DLGAP1: variants seen among roughly 807,000 people sequenced by gnomAD.
DLGAP1 encodes disks large-associated protein 1.
A neutral mutation model predicts 90.8 loss-of-function variants in DLGAP1; 11 were observed. The observed-to-expected ratio is 0.12, with a 90% CI of 0.08 to 0.20. The LOEUF is 0.20. DLGAP1 is among the 10% of genes least tolerant of loss of function. The probability of loss-of-function intolerance (pLI) is 1.00; values close to 1 mark genes in which losing one functional copy is unlikely to be tolerated. For synonymous variants in DLGAP1, 558 were observed against 540.7 expected (o/e 1.03, Z -0.44); for missense variants, 1,050 against 1,333.8 (o/e 0.79, Z 3.31).
In DLGAP1 at chr18:4,117,506, C is replaced by T. The variant is rs538941578; in HGVS notation, c.-159+33674G>A. ...CTATTTCCCACACAGTGTGCAGCCT[C>T]GTGTTTATATCTTTGAGCCTGGCTA... On this transcript the variant is annotated intron_variant, in intron 2 of 12. Coordinates refer to ENST00000315677, the MANE Select transcript of DLGAP1 (RefSeq NM_004746.4). 6.6e-5 allele frequency among the ~76,000 whole-genome samples: 10 copies of T among 152,146 alleles called. No homozygotes were observed. In the South Asian group the frequency reaches 2.1e-3, roughly 32 times the overall value.
At chr18:3,952,901 A>G (rs2073017103) in intron 3 of DLGAP1, among the ~76,000 whole-genome samples, 1 of 152,184 alleles carries the variant, frequency 6.6e-6, no homozygotes, top group Admixed American at 6.5e-5. Flanking sequence ...CACCTTCTTG[A>G]TGTCCAGGGC....
intron 7 of DLGAP1, among the ~76,000 whole-genome samples, chr18:3,694,196 G>A (rs1410320222): frequency 2.6e-5 from 4 of 152,104 alleles, no homozygotes; most frequent in African/African-American, 7.2e-5. Flanking sequence ...CTTCATCTGT[G>A]TCCCTGCAAA....
intron 7 of DLGAP1, among the ~76,000 whole-genome samples, chr18:3,658,100 C>A (rs977431288): frequency 1.6e-4 from 25 of 152,170 alleles, no homozygotes; most frequent in African/African-American, 5.5e-4. Context: ...TATGTCAGTA[C>A]CCATACCATG....
chr18:3,681,617 A>G (rs951754214), intron 7 of DLGAP1, among the ~76,000 whole-genome samples: 3 of 152,246 alleles, frequency 2.0e-5, no homozygotes, highest in Non-Finnish European at 4.4e-5. Flanking sequence ...TTCTTCCCCA[A>G]AAAGCCAGCT....
chr18:3,945,435 T>C (rs958449297), intron 3 of DLGAP1, among the ~76,000 whole-genome samples: 8 of 152,174 alleles, frequency 5.3e-5, no homozygotes, highest in Non-Finnish European at 1.0e-4. Context: ...ACTTATAAAA[T>C]GGTTACATTT....
At chr18:3,977,487 A>G (rs72866613) in intron 3 of DLGAP1, among the ~76,000 whole-genome samples, 1 of 133,102 alleles carries the variant, frequency 7.5e-6, no homozygotes, top group Non-Finnish European at 1.5e-5. Flanking sequence ...GATGTACACA[A>G]TGAGGTAGGG....
intron 10 of DLGAP1, among the ~76,000 whole-genome samples, chr18:3,519,752 C>G (rs1460497867): frequency 1.3e-5 from 2 of 152,148 alleles, no homozygotes; most frequent in African/African-American, 4.8e-5. Flanking sequence ...CAGGGTTTGT[C>G]CCCTCTGGAG....
intron 5 of DLGAP1, among the ~76,000 whole-genome samples, chr18:3,765,143 T>TTTTTTTTTTTTTTTC (rs1235629970): frequency 7.0e-6 from 1 of 143,196 alleles, no homozygotes; most frequent in Admixed American, 7.1e-5. Context: ...TTTTTTTTTT[T>TTTTTTTTTTTTTTTC]TTGAGACAGA....
At chr18:4,155,973 G>A (rs182381693) in intron 1 of DLGAP1, among the ~76,000 whole-genome samples, 2 of 152,310 alleles carry the variant, frequency 1.3e-5, no homozygotes, top group East Asian at 1.9e-4. Flanking sequence ...TGGGGCTGAG[G>A]AGCAGTCAGA....
At chr18:4,065,780 T>G (rs2075361636) in intron 2 of DLGAP1, among the ~76,000 whole-genome samples, 1 of 151,928 alleles carries the variant, frequency 6.6e-6, no homozygotes, top group South Asian at 2.1e-4. Flanking sequence ...CTATCCCCAT[T>G]AAACTACCAC....
At chr18:3,661,870 C>T (rs1276919323) in intron 7 of DLGAP1, among the ~76,000 whole-genome samples, 2 of 152,090 alleles carry the variant, frequency 1.3e-5, no homozygotes, top group South Asian at 2.1e-4. Context: ...GAGTTAGCCA[C>T]TGCTCCCGGC....
At chr18:4,174,526 G>A (rs2077074843) in intron 1 of DLGAP1, among the ~76,000 whole-genome samples, 1 of 151,806 alleles carries the variant, frequency 6.6e-6, no homozygotes, top group African/African-American at 2.4e-5. Flanking sequence ...GTAGAGTTGG[G>A]GTTTCACCAT....
intron 7 of DLGAP1, among the ~76,000 whole-genome samples, chr18:3,685,740 C>T (rs2146951893): frequency 6.6e-6 from 1 of 152,212 alleles, no homozygotes; most frequent in Non-Finnish European, 1.5e-5. Flanking sequence ...CCACTGTGCC[C>T]AGCCCAAGAT....
chr18:4,387,645 A>C (rs1341954610), intron 1 of DLGAP1, among the ~76,000 whole-genome samples: 1 of 152,204 alleles, frequency 6.6e-6, no homozygotes, highest in African/African-American at 2.4e-5. Flanking sequence ...GGAAGAATGA[A>C]GAAGAAATGC....
At chr18:3,552,284 T>C (rs1168031692) in intron 9 of DLGAP1, among the ~76,000 whole-genome samples, 1 of 152,224 alleles carries the variant, frequency 6.6e-6, no homozygotes, top group Admixed American at 6.5e-5. Flanking sequence ...TTTTTGTTTC[T>C]AGTTTTCTGG....
At chr18:3,972,827 C>T (rs571091488) in intron 3 of DLGAP1, among the ~76,000 whole-genome samples, 6 of 152,214 alleles carry the variant, frequency 3.9e-5, no homozygotes, top group East Asian at 1.9e-4. Flanking sequence ...GGCAGATGGG[C>T]GGGGAGGTGC....
chr18:3,513,944 A>G (rs1040219108), intron 10 of DLGAP1, among the ~76,000 whole-genome samples: 1 of 152,226 alleles, frequency 6.6e-6, no homozygotes, highest in Non-Finnish European at 1.5e-5. Context: ...CAGTGGGTCT[A>G]TGGCAAAGCT....
At chr18:4,299,631 GA>G (rs1188362227) in intron 1 of DLGAP1, among the ~76,000 whole-genome samples, 2 of 151,928 alleles carry the variant, frequency 1.3e-5, no homozygotes, top group Non-Finnish European at 1.5e-5. Context: ...AAAAGAGAGT[GA>G]AAAAATTAAA....
At chr18:3,612,038 C>T (rs1219006527) in intron 7 of DLGAP1, among the ~76,000 whole-genome samples, 2 of 152,354 alleles carry the variant, frequency 1.3e-5, no homozygotes, top group East Asian at 3.9e-4. Flanking sequence ...AAATAATTCC[C>T]TTTGCTTTTC....
Sources: allele counts gnomAD v4.1 joint callset (sites outside exome capture counted in the v4.1 genomes callset), GRCh38; gene constraint gnomAD v4.1.1; transcripts MANE v1.5; gene names NCBI Gene and HGNC (gene_info 2026-07-23, HGNC 2026-07-21).